ARPIN: variants seen among roughly 807,000 people sequenced by gnomAD.
ARPIN encodes UPF0552 protein C15orf38.
A neutral mutation model predicts 25.9 loss-of-function variants in ARPIN; 23 were observed. The observed-to-expected ratio is 0.89, with a 90% confidence interval of 0.64 to 1.26. The LOEUF (loss-of-function observed/expected upper bound fraction) is 1.26, where lower values mean the gene tolerates loss of function less well. Among genes scored for constraint, ARPIN ranks in the 50% most tolerant of loss-of-function variants. The probability of loss-of-function intolerance (pLI) is 0.00; values close to 1 mark genes in which losing one functional copy is unlikely to be tolerated. For missense variants in ARPIN, 333 were observed against 312.2 expected (o/e 1.07, Z -0.50); for synonymous variants, 126 against 131.4 (o/e 0.96, Z 0.28).
intron 2 of ARPIN, 144 bp downstream of exon 2, chr15:89,910,600 T>G: frequency 1.1e-6 from 1 of 948,946 alleles, no homozygotes; most frequent in Non-Finnish European, 1.6e-6. Flanking sequence ...GCTATAAATC[T>G]CCTGACCTAC....
At position 89,903,247 on chromosome 15, in the gene ARPIN, T is replaced by C. The variant is rs764723090; in HGVS notation, c.641A>G (p.Glu214Gly). 6.2e-7 allele frequency: 1 copy of C among 1,614,168 alleles called. No individual in the cohort carries two copies. The highest frequency in any genetic ancestry group is 1.3e-5 in the African/African-American group (1 of 75,040). ...CSKGAAAEIREQGDGAEDEEW... is the reference protein window; with the variant it reads ...CSKGAAAEIRGQGDGAEDEEW... The stretch of plus-strand genomic sequence containing the variant: ...CTCGTCCTCTGCCCCATCCCCCTGC[T>C]CTCGGATCTCCGCTGCAGCCCCCTT... Residue 214 changes from glutamate to glycine, a missense_variant, in exon 5 of 6, where the codon GAG (glutamate) becomes GGG (glycine). Physicochemically the swap from Glu to Gly is moderately conservative, Grantham distance 98. Transcript: ENST00000357484.
At chr15:89,909,952 G>A (rs1451773437) in intron 2 of ARPIN, among the ~76,000 whole-genome samples, 6 of 152,190 alleles carry the variant, frequency 3.9e-5, no homozygotes, top group Non-Finnish European at 8.8e-5. Context: ...CCTGCCTGAC[G>A]GCAGATGAGG....
At chr15:89,901,839 A>C in intron 5 of ARPIN, 36 bp from the exon 6 acceptor site, 4 of 1,612,424 alleles carry the variant, frequency 2.5e-6, no homozygotes. Flanking sequence ...ATGTGGAGAC[A>C]GCACATGTCA....
chr15:89,903,295 T>G lies in ARPIN; in HGVS notation c.593A>C (p.Asn198Thr). The G allele has an allele frequency of 6.2e-7, 1 of 1,614,228 alleles. No homozygotes were observed. The highest frequency in any genetic ancestry group is 8.5e-7 in the Non-Finnish European group (1 of 1,180,038). Residue 198 changes from asparagine (N) to threonine (T), a missense_variant, in exon 5 of 6, where the codon AAC becomes ACC. Physicochemically the swap from Asn to Thr is moderately conservative, Grantham distance 65 (BLOSUM62 0). Coordinates refer to ENST00000357484, the MANE Select transcript of ARPIN (RefSeq NM_182616.4). ...DGKTGASWTD[N>T]IMAQKCSKGA... is the part of the protein sequence containing the mutation. ...CTTCGAACACTTTTGGGCCATGATG[T>G]TGTCTGTCCAGGATGCCCCTGTCTT...
Position 89,897,089 on chromosome 15 carries a change from C to G in ARPIN, c.*4706G>C, listed in dbSNP as rs982034295. 3 of 152,168 alleles carry G rather than the reference C, an allele frequency of 2.0e-5. No homozygotes were observed. The highest frequency in any genetic ancestry group is 7.2e-5 in the African/African-American group (3 of 41,434). 9.4% of individuals were successfully genotyped at this position (152,168 alleles called of 1,614,324 possible). A position where few individuals can be genotyped will look rare whatever the true frequency, so the allele number is the denominator to read the frequency against. ...GGAATTAAGAGAACTATATAATTTT[C>G]AACATTTTTGGAAACATTAATTCTG... On this transcript the variant is annotated 3_prime_UTR_variant, in exon 6 of 6. Transcript: ENST00000357484.
Position 89,912,859 on chromosome 15 carries a change from G to A in ARPIN, c.-24C>T. 6.6e-7 allele frequency: 1 copy of A among 1,513,214 alleles called. No individual in the cohort carries two copies. The allele number at this position is 1,513,214 out of a possible 1,614,324, so 93.7% of individuals were successfully genotyped here. ...ATTCTCCCGACCGCCCGGGCACCCC[G>A]GCACAGAGCCGGCGCACTGGGCTGG... On this transcript the variant is annotated 5_prime_UTR_variant, in exon 1 of 6. Coordinates refer to ENST00000357484, the MANE Select transcript of ARPIN (RefSeq NM_182616.4).
At chr15:89,912,388 T>C in intron 1 of ARPIN, 4 of 1,067,882 alleles carry the variant, frequency 3.7e-6, no homozygotes, top group Non-Finnish European at 4.5e-6. Flanking sequence ...GGCATGAGTC[T>C]GTGCAAAAGC....
chr15:89,897,443 C>T lies in ARPIN; in HGVS notation c.*4352G>A, dbSNP rs1192746229. ...GAGGTTGCAGTGGGCCAAGATCGCG[C>T]CATTGCACTCCAGCCTGGGCAACAA... On this transcript the variant is annotated 3_prime_UTR_variant, in exon 6 of 6. Transcript: ENST00000357484. 6.6e-6 allele frequency: 1 copy of T among 152,352 alleles called. No homozygotes were observed. Among genetic ancestry groups the T allele is most frequent in the Non-Finnish European group, 1.5e-5 (1 of 68,194 alleles). The allele number at this position is 152,352 out of a possible 1,614,324, so 9.4% of individuals were successfully genotyped here.
chr15:89,902,403 C>T (rs1029053573), intron 5 of ARPIN, among the ~76,000 whole-genome samples: 5 of 150,256 alleles, frequency 3.3e-5, no homozygotes, highest in South Asian at 2.1e-4. Flanking sequence ...AGTGAAACTC[C>T]GTCTCAAAAA....
intron 3 of ARPIN, among the ~76,000 whole-genome samples, chr15:89,907,051 C>A (rs1897132388): frequency 1.1e-5 from 1 of 94,376 alleles, no homozygotes; most frequent in African/African-American, 4.2e-5. Flanking sequence ...AAGTGGCCAT[C>A]AAAAAGTATT....
At chr15:89,911,467 C>T (rs1897222389) in intron 1 of ARPIN, among the ~76,000 whole-genome samples, 1 of 152,150 alleles carries the variant, frequency 6.6e-6, no homozygotes, top group Non-Finnish European at 1.5e-5. Flanking sequence ...AACGTGGAGG[C>T]TTCCTTTTTT....
intron 3 of ARPIN, among the ~76,000 whole-genome samples, chr15:89,904,535 A>G (rs553379061): frequency 6.6e-6 from 1 of 152,246 alleles, no homozygotes; most frequent in Non-Finnish European, 1.5e-5. Flanking sequence ...GGTGAGGTCT[A>G]CTGGAACCAG....
chr15:89,909,422 G>T (rs947952814), intron 2 of ARPIN, among the ~76,000 whole-genome samples: 4 of 152,186 alleles, frequency 2.6e-5, no homozygotes, highest in African/African-American at 9.7e-5. Context: ...AAAAGCCTGG[G>T]ACAGTATAGG....
At chr15:89,908,907 C>T (rs1283644431) in intron 2 of ARPIN, among the ~76,000 whole-genome samples, 6 of 152,106 alleles carry the variant, frequency 3.9e-5, no homozygotes, top group Non-Finnish European at 8.8e-5. Context: ...CGCTTGAGCC[C>T]AGGAGGCGGA....
intron 1 of ARPIN, chr15:89,912,454 G>C (rs887369351): frequency 3.3e-6 from 4 of 1,225,658 alleles, no homozygotes; most frequent in Non-Finnish European, 4.1e-6. Context: ...GCCGGAGGTC[G>C]GCGTGAGGCG....
intron 3 of ARPIN, among the ~76,000 whole-genome samples, chr15:89,907,624 T>C (rs1409345879): frequency 6.6e-6 from 1 of 152,106 alleles, no homozygotes; most frequent in Non-Finnish European, 1.5e-5. Context: ...CTTCCCCGCC[T>C]CCAGAACTGT....
intron 3 of ARPIN, among the ~76,000 whole-genome samples, chr15:89,904,742 T>G (rs575796025): frequency 5.6e-4 from 85 of 152,328 alleles, no homozygotes; most frequent in Non-Finnish European, 1.0e-3. Context: ...ACAGGCTGCC[T>G]GCGCCACGCC....
rs377169162 is a variant in ARPIN at position 89,910,727 on chromosome 15, C to T, written c.168+17G>A. 6.9e-5 allele frequency: 111 copies of T among 1,613,828 alleles called. No homozygotes were observed. Among genetic ancestry groups the T allele is most frequent in the Non-Finnish European group, 9.0e-5 (106 of 1,179,864 alleles). ...GAAGTCAGTGCCCTCTAGCTAGCAC[C>T]GAGGAAGCATCCTCACCTTCCTGCC... On this transcript the variant is annotated intron_variant, in intron 2 of 5. Coordinates refer to ENST00000357484, the MANE Select transcript of ARPIN (RefSeq NM_182616.4).
Position 89,912,769 on chromosome 15 carries a change from C to A in ARPIN, c.67G>T (p.Ala23Ser), listed in dbSNP as rs1278462965. 2 of 1,501,288 alleles carry A rather than the reference C, an allele frequency of 1.3e-6. No homozygotes were observed. Among genetic ancestry groups the A allele is most frequent in the Non-Finnish European group, 8.8e-7 (1 of 1,130,366 alleles). 93.0% of individuals were successfully genotyped at this position (1,501,288 alleles called of 1,614,324 possible). ...CCCTGGTGGGCGGCGGGGTCCCAGG[C>A]CCCTGGCAGCCGGACGCTCTGCACC... ...KAVQSVRLPG[A>S]WDPAAHQGGN... The change falls in exon 1 of 6, where the codon GCC becomes TCC. Residue 23 changes from alanine (A) to serine (S), a missense_variant. By Grantham distance (99) the Ala-to-Ser change is moderately conservative (BLOSUM62 1). Transcript: ENST00000357484.
Sources: allele counts gnomAD v4.1 joint callset (sites outside exome capture counted in the v4.1 genomes callset), GRCh38; gene constraint gnomAD v4.1.1; transcripts MANE v1.5; gene names NCBI Gene and HGNC (gene_info 2026-07-23, HGNC 2026-07-21).